PCDHA2: variants seen among roughly 807,000 people sequenced by gnomAD.
PCDHA2 encodes the protein protocadherin alpha-2.
PCDHA2 carries 58 observed loss-of-function variants against 66.0 expected under a neutral mutation model. The ratio of observed to expected loss-of-function variants is 0.88; its 90% CI spans 0.71 to 1.09. The LOEUF is 1.09. PCDHA2 is among the 50% of genes least tolerant of loss of function. PCDHA2 has a pLI of 0.00. For synonymous variants in PCDHA2, 634 were observed against 554.0 expected (o/e 1.14, Z -2.03); for missense variants, 1,267 against 1,242.3 (o/e 1.02, Z -0.30).
At chr5:140,987,227 A>T (rs1410526870) in intron 3 of PCDHA2, among the ~76,000 whole-genome samples, 2 of 151,696 alleles carry the variant, frequency 1.3e-5, no homozygotes, top group African/African-American at 4.8e-5. Context: ...AAAAAAAAAA[A>T]TAATAAATAA....
At chr5:140,856,926 G>A (rs782283116) in intron 1 of PCDHA2, 1 of 1,594,828 alleles carries the variant, frequency 6.3e-7, no homozygotes, top group South Asian at 1.1e-5. Context: ...AGGAAATTTT[G>A]GATAAACGAA....
At chr5:140,830,751 A>G (rs1247208262) in intron 1 of PCDHA2, 3 of 185,768 alleles carry the variant, frequency 1.6e-5, no homozygotes, top group Admixed American at 1.2e-4. Flanking sequence ...TTTCTGTTGC[A>G]TTTTAATTCA....
At chr5:140,829,963 G>C (rs2150178705) in intron 1 of PCDHA2, 2 of 1,614,006 alleles carry the variant, frequency 1.2e-6, no homozygotes, top group South Asian at 1.1e-5. Context: ...CGTTTCGCGT[G>C]GGGCTGTACA....
At chr5:140,842,303 C>T (rs1554138957) in intron 1 of PCDHA2, 2 of 1,608,454 alleles carry the variant, frequency 1.2e-6, no homozygotes, top group Non-Finnish European at 1.7e-6. Context: ...CAAAGGCCAT[C>T]CTCCCATGGC....
intron 1 of PCDHA2, chr5:140,817,062 T>A (rs1766058413): frequency 6.6e-6 from 1 of 152,202 alleles, no homozygotes; most frequent in Non-Finnish European, 1.5e-5. Flanking sequence ...GTGTGCTGTA[T>A]CACAGGTCCT....
At chr5:140,936,351 T>C (rs2090932385) in intron 1 of PCDHA2, among the ~76,000 whole-genome samples, 1 of 152,246 alleles carries the variant, frequency 6.6e-6, no homozygotes, top group African/African-American at 2.4e-5. Flanking sequence ...ATATATGGAA[T>C]GTGTAGCTAC....
In PCDHA2 at chr5:141,007,955, C is replaced by T. The variant is rs192197811; in HGVS notation, c.2537-1672C>T. ...CTAAGCCACCTTTTTGAGAACTGCT[C>T]ATTCTCTGGGTGTCTGTCATGTATA... On this transcript the variant is annotated intron_variant, in intron 3 of 3. Transcript: ENST00000526136. 2.6e-5 allele frequency among the ~76,000 whole-genome samples: 4 copies of T among 152,294 alleles called. No homozygotes were observed. In the East Asian group the frequency reaches 7.7e-4, roughly 29 times the overall value.
rs2150225507 is a variant in PCDHA2 at position 140,834,752 on chromosome 5, G to A, written c.2388+37400G>A. The stretch of plus-strand genomic sequence containing the variant: ...AGGTTTTCCATGTGGACGTGGAGGT[G>A]AAGGACATTAACGACAACCCTCCGG... On this transcript the variant is annotated intron_variant, in intron 1 of 3. Coordinates refer to ENST00000526136, the MANE Select transcript of PCDHA2 (RefSeq NM_018905.3). The A allele has an allele frequency of 1.1e-5, 17 of 1,614,188 alleles. No homozygotes were observed. In the Admixed American group the frequency reaches 2.7e-4, roughly 25 times the overall value.
At position 140,795,435 on chromosome 5, in the gene PCDHA2, A is replaced by G. The variant is rs781802033; in HGVS notation, c.471A>G (p.Ala157=). ...ATTCTCGGTTTCCTCTAGAGGGAGC[A>G]TCTGATGCAGATATAGGAGTAAATG... ...LLDSRFPLEG[A]SDADIGVNAL... The change falls in exon 1 of 4, where the codon GCA becomes GCG. Residue 157 remains alanine, a synonymous_variant. Coordinates refer to ENST00000526136, the MANE Select transcript of PCDHA2 (RefSeq NM_018905.3). The G allele has an allele frequency of 1.1e-5, 17 of 1,614,212 alleles. No homozygotes were observed. The highest frequency in any genetic ancestry group is 1.3e-5 in the African/African-American group (1 of 75,062).
At chr5:140,959,935 T>C (rs2095518080) in intron 1 of PCDHA2, among the ~76,000 whole-genome samples, 2 of 152,178 alleles carry the variant, frequency 1.3e-5, no homozygotes, top group African/African-American at 4.8e-5. Context: ...CCCCATTACT[T>C]AGGCAGAATA....
chr5:140,992,558 G>A (rs567645353), intron 3 of PCDHA2, among the ~76,000 whole-genome samples: 27 of 152,256 alleles, frequency 1.8e-4, no homozygotes, highest in African/African-American at 5.8e-4. Context: ...CCAGGAGATG[G>A]GGCAACACAT....
At chr5:140,894,035 T>C (rs1554185902) in intron 1 of PCDHA2, among the ~76,000 whole-genome samples, 1 of 152,220 alleles carries the variant, frequency 6.6e-6, no homozygotes, top group Non-Finnish European at 1.5e-5. Context: ...ATACTGGTAA[T>C]GTAAGTCCTC....
At chr5:140,951,988 A>C (rs2094668820) in intron 1 of PCDHA2, among the ~76,000 whole-genome samples, 1 of 152,226 alleles carries the variant, frequency 6.6e-6, no homozygotes, top group African/African-American at 2.4e-5. Context: ...GGGAAAAACC[A>C]GCCAAAAGAA....
chr5:140,834,168 A>G, intron 1 of PCDHA2: 1 of 548,726 alleles, frequency 1.8e-6, no homozygotes, highest in Non-Finnish European at 3.2e-6. Flanking sequence ...ATTCTTACTT[A>G]CATGATGGCC....
At chr5:140,858,594 G>A (rs1554151838) in intron 1 of PCDHA2, 5 of 1,317,532 alleles carry the variant, frequency 3.8e-6, no homozygotes, top group Admixed American at 2.6e-5. Context: ...TTTATTCCAG[G>A]AGTTTTAAAA....
At chr5:140,823,382 C>G in intron 1 of PCDHA2, 1 of 1,612,794 alleles carries the variant, frequency 6.2e-7, no homozygotes, top group Non-Finnish European at 8.5e-7. Context: ...CAGGTGAGCG[C>G]GCGCGACGCG....
intron 1 of PCDHA2, chr5:140,802,459 A>T: frequency 6.2e-7 from 1 of 1,614,150 alleles, no homozygotes; most frequent in South Asian, 1.1e-5. Context: ...GTGTCGGCCT[A>T]TGAGCTGGTG....
At chr5:140,849,522 G>A in intron 1 of PCDHA2, 2 of 1,597,478 alleles carry the variant, frequency 1.3e-6, no homozygotes, top group Middle Eastern at 1.7e-4. Context: ...AGTTGTGGAT[G>A]TAAATGACAA....
At chr5:140,994,222 C>T (rs2097605581) in intron 3 of PCDHA2, among the ~76,000 whole-genome samples, 1 of 152,168 alleles carries the variant, frequency 6.6e-6, no homozygotes, top group Admixed American at 6.5e-5. Context: ...CAGGGTCTGT[C>T]TATGTTATAA....
Sources: allele counts gnomAD v4.1 joint callset (sites outside exome capture counted in the v4.1 genomes callset), GRCh38; gene constraint gnomAD v4.1.1; transcripts MANE v1.5; gene names NCBI Gene and HGNC (gene_info 2026-07-23, HGNC 2026-07-21).